Variants in TWIST1 observed in about 807,000 individuals in gnomAD.
TWIST1 encodes the protein twist-related protein 1.
In TWIST1, 8 loss-of-function variants were observed where a neutral mutation model predicts 12.9. The ratio of observed to expected loss-of-function variants is 0.62; its 90% CI spans 0.37 to 1.12. The LOEUF (loss-of-function observed/expected upper bound fraction) is 1.12, where lower values mean the gene tolerates loss of function less well. Among genes scored for constraint, TWIST1 ranks in the 50% most tolerant of loss-of-function variants. The pLI is 0.02. For missense variants in TWIST1, 268 were observed against 299.7 expected (o/e 0.89, Z 0.78); for synonymous variants, 169 against 138.7 (o/e 1.22, Z -1.54).
rs558318692 is a variant in TWIST1, at chr7:19,116,694, G to C, written c.*19C>G. 120 of 1,588,540 alleles carry C rather than the reference G, an allele frequency of 7.6e-5. No homozygotes were observed. In the South Asian group the frequency reaches 1.1e-3, roughly 14 times the overall value. ...ACCTAGGTCTCCGGCCCTGCTGAGG[G>C]GGTGGGGGGCTCCGCCTGCTAGTGG... On this transcript the variant is annotated 3_prime_UTR_variant, in exon 1 of 2. Transcript: ENST00000242261.
downstream of TWIST1, among the ~76,000 whole-genome samples, chr7:19,114,917 T>C (rs1356200551): frequency 6.6e-6 from 1 of 152,258 alleles, no homozygotes; most frequent in African/African-American, 2.4e-5. Flanking sequence ...CTAAACGTCA[T>C]ATTCATTCAT....
At position 19,117,516 on chromosome 7, in the gene TWIST1, A is replaced by C; in HGVS notation, c.-195T>G. The C allele has an allele frequency of 8.5e-7, 1 of 1,170,744 alleles. No individual in the cohort carries two copies. The highest frequency in any genetic ancestry group is 1.1e-6 in the Non-Finnish European group (1 of 940,986). The allele number at this position is 1,170,744 out of a possible 1,614,324, so 72.5% of individuals were successfully genotyped here. ...AGGCGGGGAGGGAGGCGGGAGGGGG[A>C]GGGGACGGTGTGGATGGCCCCGAGG... is the stretch of plus-strand genomic sequence containing the variant. On this transcript the variant is annotated 5_prime_UTR_variant, in exon 1 of 2. Transcript: ENST00000242261.
At position 19,117,069 on chromosome 7, in the gene TWIST1, C is replaced by T. The variant is rs1402632837; in HGVS notation, c.253G>A (p.Gly85Ser). 2.1e-6 allele frequency: 3 copies of T among 1,404,310 alleles called. No homozygotes were observed. Among genetic ancestry groups the T allele is most frequent in the South Asian group, 1.6e-5 (1 of 62,556 alleles). 87.0% of individuals were successfully genotyped at this position (1,404,310 alleles called of 1,614,324 possible). Residue 85 changes from glycine to serine, a missense_variant, in exon 1 of 2, where the codon GGC becomes AGC. This residue lies in a region of TWIST1 where 189 missense variants were observed against 172.1 expected (regional missense o/e 1.10). Transcript: ENST00000242261. ...CTGCCGCCGCCGCCGCCCGCGCCGC[C>T]GCCGCCGCCACAGCCCGCAGACTTC... The part of the protein sequence containing the change: ...GKKSAGCGGG[G>S]GAGGGGGSSS...
rs577286074 is a variant in TWIST1, at chr7:19,115,802, T to G, written c.*372A>C. 1.1e-4 allele frequency: 16 copies of G among 150,278 alleles called. No homozygotes were observed. In the South Asian group the frequency reaches 2.9e-3, roughly 28 times the overall value. The allele number at this position is 150,278 out of a possible 1,614,324, so 9.3% of individuals were successfully genotyped here. A position where few individuals can be genotyped will look rare whatever the true frequency, so the allele number is the denominator to read the frequency against. On this transcript the variant is annotated 3_prime_UTR_variant, in exon 2 of 2. Transcript: ENST00000242261. ...GATGCCTTTCCTTTCAGTGGCTGAT[T>G]GGCACGACCTCTTGAGAATGCATGC... is the stretch of plus-strand genomic sequence containing the variant.
At chr7:19,113,165 A>G (rs1289308316), downstream of TWIST1, 1 of 152,340 alleles carries the variant, frequency 6.6e-6, no homozygotes, top group East Asian at 1.9e-4. Context: ...GGAAATGTGC[A>G]TATGGGTAAA....
Position 19,116,063 on chromosome 7 carries a change from T to C in TWIST1, c.*111A>G, listed in dbSNP as rs1788558241. 6.6e-6 allele frequency: 1 copy of C among 152,420 alleles called. No homozygotes were observed. Among genetic ancestry groups the C allele is most frequent in the Non-Finnish European group, 1.5e-5 (1 of 68,014 alleles). 9.4% of individuals were successfully genotyped at this position (152,420 alleles called of 1,614,324 possible). ...CCAAGAAAATCTTTGGCATATATTT[T>C]TATTTTTAGTTATCCAGCTCCAGAG... On this transcript the variant is annotated 3_prime_UTR_variant, in exon 2 of 2. Coordinates refer to ENST00000242261, the MANE Select transcript of TWIST1 (RefSeq NM_000474.4).
In TWIST1 at chr7:19,117,132, C is replaced by T; in HGVS notation, c.190G>A (p.Asp64Asn). The change falls in exon 1 of 2, where the codon GAC (aspartate) becomes AAC (asparagine). Residue 64 changes from aspartate to asparagine, a missense_variant. Asp to Asn is a conservative substitution (Grantham distance 23). Around this residue, in one of 2 missense-constraint regions of TWIST1, gnomAD observed 189 missense variants for 172.1 expected, o/e 1.10. Transcript: ENST00000242261. ...CCCTGGGCCGGGCTGCCCGGCTCGT[C>T]GCCGCCTCCGACGCCCCCACCCGCG... The part of the protein sequence containing the change: ...GAAGGGVGGG[D>N]EPGSPAQGKR... 2.7e-6 allele frequency: 3 copies of T among 1,111,370 alleles called. No homozygotes were observed. The highest frequency in any genetic ancestry group is 3.3e-6 in the Non-Finnish European group (3 of 912,360). 68.8% of individuals were successfully genotyped at this position (1,111,370 alleles called of 1,614,324 possible). A position where few individuals can be genotyped will look rare whatever the true frequency, so the allele number is the denominator to read the frequency against.
Position 19,117,572 on chromosome 7 carries a change from C to A in TWIST1, c.-251G>T, listed in dbSNP as rs1788605916. 2 of 1,114,416 alleles carry A rather than the reference C, an allele frequency of 1.8e-6. No individual in the cohort carries two copies. The highest frequency in any genetic ancestry group is 2.2e-6 in the Non-Finnish European group (2 of 903,182). 69.0% of individuals were successfully genotyped at this position (1,114,416 alleles called of 1,614,324 possible). On this transcript the variant is annotated 5_prime_UTR_variant, in exon 1 of 2. Transcript: ENST00000242261. Reference sequence around the variant, plus strand: ...AAAGAAAGCGCCCAACGGCTGGACGCACACCCCGCCAGGCCTCCTGGAAAC... The same window carrying A: ...AAAGAAAGCGCCCAACGGCTGGACGAACACCCCGCCAGGCCTCCTGGAAAC...
rs1375189070 is a variant in TWIST1 at position 19,117,067 on chromosome 7, G to A, written c.255C>T (p.Gly85=). 5 of 1,399,188 alleles carry A rather than the reference G, an allele frequency of 3.6e-6. No homozygotes were observed. The highest frequency in any genetic ancestry group is 3.7e-6 in the Non-Finnish European group (4 of 1,086,106). 86.7% of individuals were successfully genotyped at this position (1,399,188 alleles called of 1,614,324 possible). A position where few individuals can be genotyped will look rare whatever the true frequency, so the allele number is the denominator to read the frequency against. The change falls in exon 1 of 2, where the codon GGC becomes GGT. Residue 85 remains glycine (G), a synonymous_variant. Coordinates refer to ENST00000242261, the MANE Select transcript of TWIST1 (RefSeq NM_000474.4). The part of the protein sequence containing the change: ...GKKSAGCGGG[G]GAGGGGGSSS... Reference sequence around the variant, plus strand: ...TGCTGCCGCCGCCGCCGCCCGCGCCGCCGCCGCCGCCACAGCCCGCAGACT... The same window carrying A: ...TGCTGCCGCCGCCGCCGCCCGCGCCACCGCCGCCGCCACAGCCCGCAGACT...
Position 19,117,123 on chromosome 7 carries a change from C to G in TWIST1, c.199G>C (p.Gly67Arg). The G allele has an allele frequency of 8.7e-7, 1 of 1,149,260 alleles. No homozygotes were observed. The highest frequency in any genetic ancestry group is 3.5e-4 in the Middle Eastern group (1 of 2,860). 71.2% of individuals were successfully genotyped at this position (1,149,260 alleles called of 1,614,324 possible). Residue 67 changes from glycine to arginine, a missense_variant, in exon 1 of 2, where the codon GGC (glycine) becomes CGC (arginine). By Grantham distance (125) the Gly-to-Arg change is moderately radical. Around this residue, in one of 2 missense-constraint regions of TWIST1, gnomAD observed 189 missense variants for 172.1 expected, o/e 1.10. Coordinates refer to ENST00000242261, the MANE Select transcript of TWIST1 (RefSeq NM_000474.4). ...CCGCGCTTGCCCTGGGCCGGGCTGCCCGGCTCGTCGCCGCCTCCGACGCCC... is the reference window on the plus strand; with the variant it reads ...CCGCGCTTGCCCTGGGCCGGGCTGCGCGGCTCGTCGCCGCCTCCGACGCCC... Reference protein sequence around the residue: ...GGGVGGGDEPGSPAQGKRGKK... With the variant: ...GGGVGGGDEPRSPAQGKRGKK...
chr7:19,116,525 GCGC>G (rs1788569527), intron 1 of TWIST1, 143 bp downstream of exon 1: 5 of 711,698 alleles, frequency 7.0e-6, no homozygotes, highest in Non-Finnish European at 1.1e-5. Flanking sequence ...GACGCTGGGG[GCGC>G]GAGGCAACGG....
chr7:19,115,455 C>T (rs1026638855), downstream of TWIST1: 1 of 152,496 alleles, frequency 6.6e-6, no homozygotes, highest in Non-Finnish European at 1.5e-5. Flanking sequence ...AAAATATAGA[C>T]CAAACTCTAA....
chr7:19,116,525 G>A (rs1023805028), intron 1 of TWIST1, 146 bp downstream of exon 1: 12 of 711,698 alleles, frequency 1.7e-5, no homozygotes, highest in Admixed American at 8.5e-5. Flanking sequence ...GACGCTGGGG[G>A]CGCGAGGCAA....
chr7:19,116,884 A>G lies in TWIST1; in HGVS notation c.438T>C (p.Ile146=), dbSNP rs79988208. ...PTLPSDKLSK[I]QTLKLAARYI... is the part of the protein sequence containing the mutation. Reference sequence around the variant, plus strand: ...ACCTGGCCGCCAGCTTGAGGGTCTGAATCTTGCTCAGCTTGTCCGAGGGCA... The same window carrying G: ...ACCTGGCCGCCAGCTTGAGGGTCTGGATCTTGCTCAGCTTGTCCGAGGGCA... The change falls in exon 1 of 2, where the codon ATT becomes ATC. Residue 146 remains isoleucine (I), a synonymous_variant. Coordinates refer to ENST00000242261, the MANE Select transcript of TWIST1 (RefSeq NM_000474.4). 1 of 1,614,090 alleles carries G rather than the reference A, an allele frequency of 6.2e-7. No individual in the cohort carries two copies.
At position 19,116,141 on chromosome 7, in the gene TWIST1, C is replaced by T. The variant is rs1325752688; in HGVS notation, c.*43-10G>A. The T allele has an allele frequency of 1.5e-4, 5 of 33,782 alleles. No individual in the cohort carries two copies. The highest frequency in any genetic ancestry group is 5.1e-4 in the African/African-American group (5 of 9,722). 2.1% of individuals were successfully genotyped at this position (33,782 alleles called of 1,614,324 possible). On this transcript the variant is annotated splice_polypyrimidine_tract_variant and intron_variant, in intron 1 of 1. Coordinates refer to ENST00000242261, the MANE Select transcript of TWIST1 (RefSeq NM_000474.4). ...CTGGAAACAATGACATCTGCAAAAACCCAGAGGGGGGGGGGGGAGTCGGTT... is the reference window on the plus strand; with the variant it reads ...CTGGAAACAATGACATCTGCAAAAATCCAGAGGGGGGGGGGGGAGTCGGTT...
downstream of TWIST1, chr7:19,113,224 T>C (rs956091093): frequency 6.6e-6 from 1 of 152,164 alleles, no homozygotes; most frequent in African/African-American, 2.4e-5. Flanking sequence ...GACCAACTTA[T>C]AAATAAAAGT....
rs1788605010 is a variant in TWIST1, at chr7:19,117,536, C to T, written c.-215G>A. On this transcript the variant is annotated 5_prime_UTR_variant, in exon 1 of 2. Transcript: ENST00000242261. ...GGGGGAGGGGACGGTGTGGATGGCC[C>T]CGAGGTCCAAAAAGAAAGCGCCCAA... The T allele has an allele frequency of 8.6e-7, 1 of 1,163,206 alleles. No individual in the cohort carries two copies. The highest frequency in any genetic ancestry group is 1.6e-5 in the African/African-American group (1 of 61,034). The allele number at this position is 1,163,206 out of a possible 1,614,324, so 72.1% of individuals were successfully genotyped here. A position where few individuals can be genotyped will look rare whatever the true frequency, so the allele number is the denominator to read the frequency against.
At chr7:19,113,644 C>A (rs942354886), downstream of TWIST1, 4 of 152,272 alleles carry the variant, frequency 2.6e-5, no homozygotes, top group Non-Finnish European at 2.9e-5. Flanking sequence ...AAAATTACCA[C>A]CTTTTTCATT....
rs1788586051 is a variant in TWIST1, at chr7:19,117,042, T to TGCTGCCGCC, written c.271_279dup (p.Gly91_Ser93dup). The TGCTGCCGCC allele has an allele frequency of 6.9e-7, 1 of 1,453,994 alleles. No homozygotes were observed. The highest frequency in any genetic ancestry group is 9.0e-7 in the Non-Finnish European group (1 of 1,114,874). The allele number at this position is 1,453,994 out of a possible 1,614,324, so 90.1% of individuals were successfully genotyped here. On this transcript the variant is annotated inframe_insertion, in exon 1 of 2. Coordinates refer to ENST00000242261, the MANE Select transcript of TWIST1 (RefSeq NM_000474.4). ...GACTGCGGACTCCCGCCGCCGCTGC[T>TGCTGCCGCC]GCTGCCGCCGCCGCCGCCCGCGCCG...
Sources: gnomAD v4.1 joint callset for allele counts (sites outside exome capture counted in the v4.1 genomes callset) on GRCh38, gnomAD v4.1.1 for gene constraint, gnomAD v4.1.1 regional missense constraint, MANE v1.5 for transcripts, NCBI Gene and HGNC (gene_info 2026-07-23, HGNC 2026-07-21) for gene names.